SH3BP2: variants seen among roughly 807,000 people sequenced by gnomAD.
SH3BP2 encodes SH3 domain binding protein 2, also known as SH3 domain-binding protein 2.
A neutral mutation model predicts 56.2 loss-of-function variants in SH3BP2; 38 were observed. That is an observed-to-expected ratio of 0.68 (90% CI 0.52 to 0.89). The LOEUF (loss-of-function observed/expected upper bound fraction) is 0.89. SH3BP2 is among the 40% of genes least tolerant of loss of function. The pLI is 0.00. For synonymous variants in SH3BP2, 346 were observed against 316.7 expected (o/e 1.09, Z -0.98); for missense variants, 748 against 762.6 (o/e 0.98, Z 0.23).
intron 1 of SH3BP2, among the ~76,000 whole-genome samples, chr4:2,803,865 A>T (rs887168706): frequency 6.6e-6 from 1 of 152,166 alleles, no homozygotes; most frequent in Non-Finnish European, 1.5e-5. Context: ...CAAGGATGTG[A>T]GTCAGAGGTG....
chr4:2,793,748 A>C (rs1280403262), intron 1 of SH3BP2: 1 of 152,166 alleles, frequency 6.6e-6, no homozygotes, highest in Non-Finnish European at 1.5e-5. Flanking sequence ...GCGCTGATTC[A>C]CACTGAAGTG....
intron 5 of SH3BP2, among the ~76,000 whole-genome samples, chr4:2,825,489 GAGCAACACGTGGACATGCACACACACAC>G (rs1560107416): frequency 2.0e-4 from 27 of 138,366 alleles, no homozygotes; most frequent in East Asian, 4.0e-4. Context: ...CACACACACA[GAGCAACACGTGGACATGCACACACACAC>G]AGCAACACGT....
chr4:2,808,401 T>C (rs1412505809), intron 1 of SH3BP2, among the ~76,000 whole-genome samples: 2 of 152,210 alleles, frequency 1.3e-5, no homozygotes, highest in Non-Finnish European at 2.9e-5. Context: ...GAAGACCCTT[T>C]TTCCAAATAA....
intron 1 of SH3BP2, chr4:2,798,705 G>A (rs1168925952): frequency 6.6e-6 from 1 of 152,646 alleles, no homozygotes; most frequent in African/African-American, 2.4e-5. Flanking sequence ...GTTTGACCAG[G>A]GCAGAGGGGA....
chr4:2,820,302 T>A (rs144333799), intron 1 of SH3BP2, among the ~76,000 whole-genome samples: 3 of 152,324 alleles, frequency 2.0e-5, no homozygotes, highest in Admixed American at 6.5e-5. Flanking sequence ...CCAGCCCCCG[T>A]GGGGCCTTGC....
chr4:2,831,648 GC>G lies in SH3BP2; in HGVS notation c.1320del (p.Asp442ThrfsTer67). ...KPRQPSQADT[G>X]GDDSDEDYEK... ...CGGCAACCCTCACAGGCTGACACTG[GC>G]GGGGACGACTCGGACGAGGACTATG... On this transcript the variant is annotated frameshift_variant, in exon 9 of 13. Coordinates refer to ENST00000503393, the MANE Select transcript of SH3BP2 (RefSeq NM_001122681.2). LOFTEE classifies it high-confidence loss of function. The surrounding 1 kb of genome is among the most constrained non-coding windows in gnomAD (Gnocchi z 4.1). The G allele has an allele frequency of 6.3e-7, 1 of 1,596,042 alleles. No individual in the cohort carries two copies. Among genetic ancestry groups the G allele is most frequent in the Non-Finnish European group, 8.5e-7 (1 of 1,170,560 alleles).
chr4:2,807,683 C>G (rs1043410861), intron 1 of SH3BP2, among the ~76,000 whole-genome samples: 5 of 152,102 alleles, frequency 3.3e-5, no homozygotes, highest in Non-Finnish European at 5.9e-5. Flanking sequence ...GGCGCCGCAC[C>G]CCATCCACGT....
In SH3BP2 at chr4:2,829,067, T is replaced by C. The variant is rs537896261; in HGVS notation, c.587-426T>C. ...CCCGCATCCCCTGGCATCTCCCAGC[T>C]TTCTGGATATGTTCTGAGCAAACAC... is the stretch of plus-strand genomic sequence containing the variant. On this transcript the variant is annotated intron_variant, in intron 7 of 12. Coordinates refer to ENST00000503393, the MANE Select transcript of SH3BP2 (RefSeq NM_001122681.2). The surrounding 1 kb of genome is among the most constrained non-coding windows in gnomAD (Gnocchi z 4.9). Among the ~76,000 whole-genome samples the C allele has an allele frequency of 3.3e-5, 5 of 152,264 alleles. No homozygotes were observed. The East Asian group carries it at 9.6e-4, about 29-fold the overall frequency.
chr4:2,806,522 G>T (rs1438675294), intron 1 of SH3BP2, among the ~76,000 whole-genome samples: 1 of 152,184 alleles, frequency 6.6e-6, no homozygotes, highest in Non-Finnish European at 1.5e-5. Context: ...TGAGACTGGA[G>T]AGTGGCTCCA....
chr4:2,812,608 G>C (rs1264414810), intron 1 of SH3BP2: 1 of 1,217,610 alleles, frequency 8.2e-7, no homozygotes, highest in African/African-American at 1.5e-5. Context: ...ACAGGAGGTG[G>C]CCCTGAGCCT....
At chr4:2,832,006 G>A in intron 10 of SH3BP2, 28 bp downstream of exon 10, 1 of 1,609,730 alleles carries the variant, frequency 6.2e-7, no homozygotes, top group Non-Finnish European at 8.5e-7. Context: ...TGTGTGCTGG[G>A]TCCTCCGCCA....
rs1725279101 is a variant in SH3BP2, at chr4:2,837,608, A to T, written c.*3774A>T. On this transcript the variant is annotated 3_prime_UTR_variant, in exon 13 of 13. Coordinates refer to ENST00000503393, the MANE Select transcript of SH3BP2 (RefSeq NM_001122681.2). Reference sequence around the variant, plus strand: ...TGAGGGTGATCCAGGCGCTGGAGGGATGGCCTAGGACACCAGGGTCACACC... The same window carrying T: ...TGAGGGTGATCCAGGCGCTGGAGGGTTGGCCTAGGACACCAGGGTCACACC... 1 of 152,390 alleles carries T rather than the reference A, an allele frequency of 6.6e-6. No homozygotes were observed. The allele number at this position is 152,390 out of a possible 1,614,324, so 9.4% of individuals were successfully genotyped here.
chr4:2,804,038 C>G (rs1723430775), intron 1 of SH3BP2, among the ~76,000 whole-genome samples: 1 of 152,142 alleles, frequency 6.6e-6, no homozygotes, highest in Admixed American at 6.5e-5. Flanking sequence ...GCAAGAGAGA[C>G]AGGGTCCGGC....
chr4:2,817,382 G>T (rs1034274800), intron 1 of SH3BP2, among the ~76,000 whole-genome samples: 1 of 152,228 alleles, frequency 6.6e-6, no homozygotes, highest in Non-Finnish European at 1.5e-5. Flanking sequence ...CAAGGGCACT[G>T]AGAACAGAGG....
rs931635022 is a variant in SH3BP2 at position 2,838,529 on chromosome 4, C to G, written c.*4695C>G. ...TTGGCTGTATCGTAGTTCACAGATT[C>G]ATTTCACTGTCAGTCAAGCTTGTCC... On this transcript the variant is annotated 3_prime_UTR_variant, in exon 13 of 13. Transcript: ENST00000503393. 2.6e-5 allele frequency: 4 copies of G among 152,192 alleles called. No homozygotes were observed. The highest frequency in any genetic ancestry group is 7.2e-5 in the African/African-American group (3 of 41,452). 9.4% of individuals were successfully genotyped at this position (152,192 alleles called of 1,614,324 possible). A position where few individuals can be genotyped will look rare whatever the true frequency, so the allele number is the denominator to read the frequency against.
chr4:2,833,555 T>C, intron 12 of SH3BP2, 142 bp from the exon 13 acceptor site: 1 of 1,067,296 alleles, frequency 9.4e-7, no homozygotes, highest in East Asian at 2.6e-5. Flanking sequence ...GAGGCCACCT[T>C]GGGGGCACCA....
chr4:2,830,914 C>T (rs990455416), intron 8 of SH3BP2, among the ~76,000 whole-genome samples: 1 of 152,254 alleles, frequency 6.6e-6, no homozygotes. Flanking sequence ...CTCTGAGATG[C>T]CTGCTGCCTG....
intron 2 of SH3BP2, among the ~76,000 whole-genome samples, chr4:2,822,056 C>T (rs1560105181): frequency 1.3e-5 from 2 of 151,818 alleles, no homozygotes; most frequent in African/African-American, 4.8e-5. Flanking sequence ...TTAGTAGAGA[C>T]AGCGTTTCAC....
intron 2 of SH3BP2, among the ~76,000 whole-genome samples, chr4:2,821,443 G>T (rs1724300254): frequency 6.6e-6 from 1 of 152,238 alleles, no homozygotes; most frequent in Non-Finnish European, 1.5e-5. Context: ...TTGTCCCCCA[G>T]CCTGGGACAG....
Sources: gnomAD v4.1 joint callset for allele counts (sites outside exome capture counted in the v4.1 genomes callset) on GRCh38, gnomAD v4.1.1 for gene constraint, Gnocchi (gnomAD v3.1) non-coding constraint, MANE v1.5 for transcripts, NCBI Gene and HGNC (gene_info 2026-07-23, HGNC 2026-07-21) for gene names.